TUBB3: variants seen among roughly 807,000 people sequenced by gnomAD.
The protein encoded by TUBB3 is tubulin beta-3 chain.
A neutral mutation model predicts 37.8 loss-of-function variants in TUBB3; 17 were observed. That is an observed-to-expected ratio of 0.45 (90% confidence interval 0.31 to 0.67). The LOEUF (loss-of-function observed/expected upper bound fraction) is 0.67, where lower values mean the gene tolerates loss of function less well. Among genes scored for constraint, TUBB3 ranks in the 30% least tolerant of loss-of-function variants. TUBB3 has a pLI of 0.07. For missense variants in TUBB3, 262 were observed against 657.9 expected (o/e 0.40, Z 6.58); for synonymous variants, 332 against 278.9 (o/e 1.19, Z -1.90).
intron 1 of TUBB3, among the ~76,000 whole-genome samples, chr16:89,928,908 C>T (rs541980262): frequency 6.6e-5 from 10 of 151,392 alleles, no homozygotes; most frequent in East Asian, 3.9e-4. Context: ...GTGATCCACC[C>T]GCCTTGGCCT....
Position 89,936,085 on chromosome 16 carries a change from G to T in TUBB3, c.*281G>T. On this transcript the variant is annotated 3_prime_UTR_variant, in exon 4 of 4. Coordinates refer to ENST00000315491, the MANE Select transcript of TUBB3 (RefSeq NM_006086.4). ...GGGGATACTTAATAAATCTATTGCT[G>T]TCAGATACCCTTGCTTGGTGCCAGA... is the stretch of plus-strand genomic sequence containing the variant. 1 of 541,434 alleles carries T rather than the reference G, an allele frequency of 1.8e-6. No homozygotes were observed. Among genetic ancestry groups the T allele is most frequent in the Non-Finnish European group, 3.3e-6 (1 of 301,718 alleles). 33.5% of individuals were successfully genotyped at this position (541,434 alleles called of 1,614,324 possible).
intron 1 of TUBB3, among the ~76,000 whole-genome samples, chr16:89,923,677 C>T (rs1176881747): frequency 1.3e-5 from 2 of 152,322 alleles, no homozygotes; most frequent in Admixed American, 6.5e-5. Flanking sequence ...TGTCGAGGCG[C>T]AGCTCACGTC....
chr16:89,935,746 A>G lies in TUBB3; in HGVS notation c.1295A>G (p.Glu432Gly). 6.2e-7 allele frequency: 1 copy of G among 1,613,930 alleles called. No individual in the cohort carries two copies. The highest frequency in any genetic ancestry group is 8.5e-7 in the Non-Finnish European group (1 of 1,179,948). Reference sequence around the variant, plus strand: ...CAGTACCAGGACGCCACGGCCGAGGAAGAGGGCGAGATGTACGAAGACGAC... The same window carrying G: ...CAGTACCAGGACGCCACGGCCGAGGGAGAGGGCGAGATGTACGAAGACGAC... ...YQQYQDATAE[E>G]EGEMYEDDEE... is the part of the protein sequence containing the mutation. The change falls in exon 4 of 4, where the codon GAA (glutamate) becomes GGA (glycine). Residue 432 changes from glutamate to glycine, a missense_variant. This residue lies in a region of TUBB3 where 39 missense variants were observed against 26.9 expected (regional missense o/e 1.45). Coordinates refer to ENST00000315491, the MANE Select transcript of TUBB3 (RefSeq NM_006086.4).
upstream of TUBB3, chr16:89,922,032 G>A (rs1004198107): frequency 2.0e-5 from 3 of 152,644 alleles, no homozygotes; most frequent in African/African-American, 4.8e-5. Flanking sequence ...GGACTCCCTT[G>A]AACAGGGACA....
intron 1 of TUBB3, among the ~76,000 whole-genome samples, chr16:89,931,053 T>C (rs2030262649): frequency 6.6e-6 from 1 of 152,050 alleles, no homozygotes; most frequent in Non-Finnish European, 1.5e-5. Flanking sequence ...GGTCTCGATC[T>C]CCTGACTTCG....
chr16:89,931,949 T>C, intron 1 of TUBB3: 1 of 313,960 alleles, frequency 3.2e-6, no homozygotes, highest in South Asian at 2.4e-5. Context: ...GGCAAGTCGC[T>C]TCCCATTTGG....
chr16:89,922,821 T>C (rs2029927802), upstream of TUBB3, among the ~76,000 whole-genome samples: 1 of 152,068 alleles, frequency 6.6e-6, no homozygotes, highest in African/African-American at 2.4e-5. Flanking sequence ...CGACGCTTTG[T>C]TTCTTCTCAG....
At chr16:89,933,122 C>G (rs939150382) in intron 2 of TUBB3, 26 of 569,010 alleles carry the variant, frequency 4.6e-5, no homozygotes, top group African/African-American at 4.5e-4. Flanking sequence ...TAGAGACAGT[C>G]TCGATATGTT....
intron 1 of TUBB3, among the ~76,000 whole-genome samples, chr16:89,926,437 C>T (rs2030087319): frequency 6.6e-6 from 1 of 152,390 alleles, no homozygotes; most frequent in Non-Finnish European, 1.5e-5. Context: ...CCCCCGCTCC[C>T]ACCTGCCTTG....
intron 2 of TUBB3, chr16:89,933,135 C>G (rs2030332098): frequency 1.7e-6 from 1 of 602,760 alleles, no homozygotes; most frequent in Non-Finnish European, 3.1e-6. Flanking sequence ...GATATGTTGC[C>G]CAGGCTGGTC....
At position 89,932,569 on chromosome 16, in the gene TUBB3, A is replaced by G; in HGVS notation, c.58-2A>G. ...ACCCCCCCTCTCCCACTTTGTTTGCAGTTCTGGGAAGTCATCAGTGATGAG... is the reference window on the plus strand; with the variant it reads ...ACCCCCCCTCTCCCACTTTGTTTGCGGTTCTGGGAAGTCATCAGTGATGAG... On this transcript the variant is annotated splice_acceptor_variant, in intron 1 of 3. Coordinates refer to ENST00000315491, the MANE Select transcript of TUBB3 (RefSeq NM_006086.4). LOFTEE classifies it high-confidence loss of function. 6.2e-7 allele frequency: 1 copy of G among 1,613,728 alleles called. No homozygotes were observed. The highest frequency in any genetic ancestry group is 1.7e-5 in the Admixed American group (1 of 60,028).
At chr16:89,932,744 C>T in intron 2 of TUBB3, 65 bp downstream of exon 2, 1 of 1,364,134 alleles carries the variant, frequency 7.3e-7, no homozygotes, top group South Asian at 1.2e-5. Flanking sequence ...GTCTGACTGA[C>T]CAGGTCTCAG....
At chr16:89,923,568 A>G (rs1012101136) in intron 1 of TUBB3, 110 bp downstream of exon 1, 2 of 1,073,594 alleles carry the variant, frequency 1.9e-6, no homozygotes, top group Non-Finnish European at 2.4e-6. Flanking sequence ...CCTGCAACAA[A>G]GGGATGCGCC....
At chr16:89,925,428 A>T (rs1164322671) in intron 1 of TUBB3, among the ~76,000 whole-genome samples, 1 of 67,568 alleles carries the variant, frequency 1.5e-5, no homozygotes, top group Non-Finnish European at 3.8e-5. Flanking sequence ...TCCGTTTCTT[A>T]AAAAAAAAAA....
chr16:89,927,531 C>T (rs755225161), intron 1 of TUBB3, among the ~76,000 whole-genome samples: 2 of 152,148 alleles, frequency 1.3e-5, no homozygotes, highest in African/African-American at 4.8e-5. Context: ...AGCCACCTCT[C>T]TCTATCCAAG....
chr16:89,930,343 C>G (rs2151091193), intron 1 of TUBB3, among the ~76,000 whole-genome samples: 1 of 150,938 alleles, frequency 6.6e-6, no homozygotes, highest in Admixed American at 6.6e-5. Context: ...GACCTCGTGA[C>G]CCACCCGCCT....
chr16:89,933,608 G>GGGTCTGCCAT, intron 3 of TUBB3, 30 bp downstream of exon 3: 1 of 1,574,156 alleles, frequency 6.4e-7, no homozygotes, highest in Non-Finnish European at 8.7e-7. Flanking sequence ...AGCTCTGATG[G>GGGTCTGCCAT]CAGACCCCAT....
chr16:89,930,349 C>T (rs777410592), intron 1 of TUBB3, among the ~76,000 whole-genome samples: 4 of 151,806 alleles, frequency 2.6e-5, no homozygotes, highest in Non-Finnish European at 4.4e-5. Flanking sequence ...GTGACCCACC[C>T]GCCTCTGCCT....
intron 1 of TUBB3, among the ~76,000 whole-genome samples, chr16:89,928,796 CCACA>C (rs2030178870): frequency 6.6e-6 from 1 of 151,774 alleles, no homozygotes; most frequent in Non-Finnish European, 1.5e-5. Flanking sequence ...AGTGCTAGGA[CCACA>C]GACAGGCGTG....
Sources: allele counts gnomAD v4.1 joint callset (sites outside exome capture counted in the v4.1 genomes callset), GRCh38; gene constraint gnomAD v4.1.1; regional missense constraint gnomAD v4.1.1; transcripts MANE v1.5; gene names NCBI Gene and HGNC (gene_info 2026-07-23, HGNC 2026-07-21).